The following ZNF148 variants were observed in gnomAD, a reference collection of about 807,000 sequenced individuals.
ZNF148 encodes Beta-Enolase Repressor Factor-1.
In ZNF148, 7 loss-of-function variants were observed where a neutral mutation model predicts 67.7. That is an observed-to-expected ratio of 0.10 (90% CI 0.06 to 0.19). ZNF148 has a LOEUF of 0.19. Ranked by LOEUF, ZNF148 falls within the 10% of genes least tolerant of loss-of-function variation. The pLI is 1.00. For synonymous variants in ZNF148, 333 were observed against 330.7 expected, an observed-to-expected ratio of 1.01 and a Z score of -0.08; for missense variants, 583 against 947.1, an observed-to-expected ratio of 0.62 and a Z score of 5.05.
At chr3:125,326,878 T>A (rs1431351531) in intron 2 of ZNF148, among the ~76,000 whole-genome samples, 2 of 133,430 alleles carry the variant, frequency 1.5e-5, no homozygotes, top group Admixed American at 7.6e-5. Flanking sequence ...ATATATATAG[T>A]GTGTGTGTGT....
At chr3:125,318,057 G>C (rs1018408493) in intron 3 of ZNF148, among the ~76,000 whole-genome samples, 3 of 151,912 alleles carry the variant, frequency 2.0e-5, no homozygotes, top group Non-Finnish European at 4.4e-5. Flanking sequence ...ACTTAATAAT[G>C]AAAGATAAAA....
chr3:125,286,454 G>C (rs1365013207), intron 5 of ZNF148, among the ~76,000 whole-genome samples: 1 of 152,132 alleles, frequency 6.6e-6, no homozygotes, highest in Admixed American at 6.5e-5. Context: ...ACTGCAGGTA[G>C]AAGTGTAACT....
At position 125,225,854 on chromosome 3, in the gene ZNF148, A is replaced by G. The variant is rs990789877; in HGVS notation, c.*6487T>C. 6 of 152,152 alleles carry G rather than the reference A, an allele frequency of 3.9e-5. No individual in the cohort carries two copies. The highest frequency in any genetic ancestry group is 1.2e-4 in the African/African-American group (5 of 41,426). The allele number at this position is 152,152 out of a possible 1,614,324, so 9.4% of individuals were successfully genotyped here. Reference sequence around the variant, plus strand: ...TACAATTGGTTAAAGCACCATGCTAATAATAAGGCCAGGGTCCTAGGACTG... The same window carrying G: ...TACAATTGGTTAAAGCACCATGCTAGTAATAAGGCCAGGGTCCTAGGACTG... On this transcript the variant is annotated 3_prime_UTR_variant, in exon 9 of 9. Coordinates refer to ENST00000360647, the MANE Select transcript of ZNF148 (RefSeq NM_021964.3).
At chr3:125,255,135 A>G (rs1446018462) in intron 7 of ZNF148, among the ~76,000 whole-genome samples, 6 of 151,586 alleles carry the variant, frequency 4.0e-5, no homozygotes, top group African/African-American at 1.2e-4. Flanking sequence ...ACATTTTCAG[A>G]CTACAAATAT....
In ZNF148 at chr3:125,279,254, CAAA is replaced by C; in HGVS notation, c.460-10_460-8del. ...CCTCATTTATTGTAAGGATCTAGTT[CAAA>C]AAAAAAAAGGCAAAAACAAAAGAAA... On this transcript the variant is annotated splice_polypyrimidine_tract_variant and splice_region_variant and intron_variant, in intron 5 of 8. Coordinates refer to ENST00000360647, the MANE Select transcript of ZNF148 (RefSeq NM_021964.3). 2 of 1,316,844 alleles carry C rather than the reference CAAA, an allele frequency of 1.5e-6. No homozygotes were observed. Among genetic ancestry groups the C allele is most frequent in the South Asian group, 1.8e-5 (1 of 57,048 alleles). 81.6% of individuals were successfully genotyped at this position (1,316,844 alleles called of 1,614,324 possible).
rs1261653914 is a variant in ZNF148, at chr3:125,227,142, T to C, written c.*5199A>G. 1 of 152,272 alleles carries C rather than the reference T, an allele frequency of 6.6e-6. No individual in the cohort carries two copies. The highest frequency in any genetic ancestry group is 6.5e-5 in the Admixed American group (1 of 15,268). 9.4% of individuals were successfully genotyped at this position (152,272 alleles called of 1,614,324 possible). On this transcript the variant is annotated 3_prime_UTR_variant, in exon 9 of 9. Coordinates refer to ENST00000360647, the MANE Select transcript of ZNF148 (RefSeq NM_021964.3). ...GCATTTTAGGAACTCTCAGTATTCA[T>C]CAAATATTTCCATTTCACTACCCAC...
chr3:125,340,760 G>A (rs1421035403), intron 1 of ZNF148, among the ~76,000 whole-genome samples: 1 of 152,006 alleles, frequency 6.6e-6, no homozygotes, highest in Non-Finnish European at 1.5e-5. Context: ...GCCGAGGCGG[G>A]CGGATCACGA....
chr3:125,233,715 G>A lies in ZNF148; in HGVS notation c.1011C>T (p.Asp337=), dbSNP rs1412744095. The change falls in exon 9 of 9, where the codon GAC becomes GAT. Residue 337 remains aspartate (D), a synonymous_variant. Transcript: ENST00000360647. This position sits in a 1 kb window ranked among gnomAD's most constrained non-coding sequence, Gnocchi z 5.1. ...AGTAATCATTTTTGTCTTTTTTCAG[G>A]TCAGATTTGTCCAAAGCACTCTCTT... ...MDKESALDKS[D]LKKDKNDYLP... 5 of 1,613,556 alleles carry A rather than the reference G, an allele frequency of 3.1e-6. No homozygotes were observed. The Admixed American group carries it at 8.3e-5, about 27-fold the overall frequency.
chr3:125,279,935 G>T (rs528494059), intron 5 of ZNF148, among the ~76,000 whole-genome samples: 1 of 152,062 alleles, frequency 6.6e-6, no homozygotes, highest in East Asian at 1.9e-4. Context: ...AAATGGGAGG[G>T]AGGTTTTACA....
intron 7 of ZNF148, among the ~76,000 whole-genome samples, chr3:125,248,265 G>A (rs1354816284): frequency 1.3e-5 from 2 of 152,150 alleles, no homozygotes; most frequent in Admixed American, 6.5e-5. Flanking sequence ...AAAGTATCCT[G>A]ACTTCTAACA....
intron 1 of ZNF148, among the ~76,000 whole-genome samples, chr3:125,359,431 T>A (rs73195489): frequency 6.6e-6 from 1 of 152,142 alleles, no homozygotes; most frequent in African/African-American, 2.4e-5. Flanking sequence ...AACATGAACA[T>A]CAAAAACTCT....
chr3:125,298,869 C>T lies in ZNF148; in HGVS notation c.334-10641G>A, dbSNP rs1281669305. ...GTCTCAATCTCCTGACCTCGTGATC[C>T]GTCCGCCTCGGCCTCCCAAAGTGCT... is the stretch of plus-strand genomic sequence containing the variant. On this transcript the variant is annotated intron_variant, in intron 4 of 8. Coordinates refer to ENST00000360647, the MANE Select transcript of ZNF148 (RefSeq NM_021964.3). Among the ~76,000 whole-genome samples the T allele has an allele frequency of 5.9e-5, 9 of 151,982 alleles. No homozygotes were observed. The East Asian group carries it at 9.6e-4, about 16-fold the overall frequency.
chr3:125,261,836 T>TA (rs1937357583), intron 7 of ZNF148, among the ~76,000 whole-genome samples: 1 of 151,502 alleles, frequency 6.6e-6, no homozygotes, highest in African/African-American at 2.4e-5. Flanking sequence ...TTTTTTTTTT[T>TA]TTTTTTTTAA....
chr3:125,326,696 A>G (rs1941033527), intron 2 of ZNF148, among the ~76,000 whole-genome samples: 1 of 147,860 alleles, frequency 6.8e-6, no homozygotes, highest in Admixed American at 6.8e-5. Context: ...CTTGCTTTAT[A>G]TATGTATATA....
At chr3:125,311,204 T>G (rs1159664525) in intron 4 of ZNF148, 1 of 162,182 alleles carries the variant, frequency 6.2e-6, no homozygotes, top group Non-Finnish European at 1.4e-5. Context: ...TGCTGTACTG[T>G]TTAATTTTGG....
rs1012212719 is a variant in ZNF148 at position 125,231,463 on chromosome 3, A to C, written c.*878T>G. On this transcript the variant is annotated 3_prime_UTR_variant, in exon 9 of 9. Transcript: ENST00000360647. ...GTATATGTAAAGTAAAATACAATTA[A>C]GCTTTAAAACGTGGAATATACATTT... The C allele has an allele frequency of 2.1e-4, 32 of 152,582 alleles. No homozygotes were observed. The highest frequency in any genetic ancestry group is 7.7e-4 in the African/African-American group (32 of 41,448). 9.5% of individuals were successfully genotyped at this position (152,582 alleles called of 1,614,324 possible).
chr3:125,368,081 A>C (rs1559787063), intron 1 of ZNF148, among the ~76,000 whole-genome samples: 1 of 152,226 alleles, frequency 6.6e-6, no homozygotes, highest in Non-Finnish European at 1.5e-5. Context: ...AGTATGGTTC[A>C]CTTAAATCAT....
At chr3:125,307,803 C>T (rs1351331167) in intron 4 of ZNF148, among the ~76,000 whole-genome samples, 2 of 134,444 alleles carry the variant, frequency 1.5e-5, no homozygotes, top group Non-Finnish European at 3.1e-5. Flanking sequence ...CACCACCATG[C>T]CCAGATAATT....
chr3:125,304,715 C>T (rs1194286130), intron 4 of ZNF148, among the ~76,000 whole-genome samples: 1 of 152,004 alleles, frequency 6.6e-6, no homozygotes, highest in Admixed American at 6.6e-5. Flanking sequence ...TGTAAATGTA[C>T]ATCATTATAT....
Sources: gnomAD v4.1 joint callset for allele counts (sites outside exome capture counted in the v4.1 genomes callset) on GRCh38, gnomAD v4.1.1 for gene constraint, Gnocchi (gnomAD v3.1) non-coding constraint, MANE v1.5 for transcripts, NCBI Gene and HGNC (gene_info 2026-07-23, HGNC 2026-07-21) for gene names.